The following BMP3 variants were observed in gnomAD, a reference collection of about 807,000 sequenced individuals.
BMP3 encodes bone morphogenetic protein 3.
BMP3 carries 23 observed loss-of-function variants against 38.1 expected under a neutral mutation model. The observed-to-expected ratio is 0.60, with a 90% CI of 0.43 to 0.86. BMP3 has a LOEUF of 0.86. BMP3 is among the 40% of genes least tolerant of loss of function. BMP3 has a pLI of 0.00. For synonymous variants in BMP3, 258 were observed against 225.7 expected (o/e 1.14, Z -1.28); for missense variants, 628 against 579.6 (o/e 1.08, Z -0.86).
Position 81,053,598 on chromosome 4 carries a change from CCTGT to C in BMP3, c.*63_*66del. 1 of 779,184 alleles carries C rather than the reference CCTGT, an allele frequency of 1.3e-6. No individual in the cohort carries two copies. Among genetic ancestry groups the C allele is most frequent in the South Asian group, 4.2e-5 (1 of 23,682 alleles). The allele number at this position is 779,184 out of a possible 1,614,324, so 48.3% of individuals were successfully genotyped here. A position where few individuals can be genotyped will look rare whatever the true frequency, so the allele number is the denominator to read the frequency against. On this transcript the variant is annotated 3_prime_UTR_variant, in exon 3 of 3. Transcript: ENST00000282701. ...ATTAGTTTATTTTTATGGACTTCTT[CCTGT>C]TTTTTTTTTTTTTTTTTTTGCACTG... is the stretch of plus-strand genomic sequence containing the variant.
At position 81,031,559 on chromosome 4, in the gene BMP3, G is replaced by T. The variant is rs749747470; in HGVS notation, c.275G>T (p.Arg92Leu). 1.9e-6 allele frequency: 3 copies of T among 1,610,186 alleles called. No homozygotes were observed. In the South Asian group the frequency reaches 3.3e-5, roughly 18 times the overall value. ...CAGCCCTGGCGCCCTCGGCTCCTGCGCGAAGGCAACACGGTTCGCAGCTTT... is the reference window on the plus strand; with the variant it reads ...CAGCCCTGGCGCCCTCGGCTCCTGCTCGAAGGCAACACGGTTCGCAGCTTT... The part of the protein sequence containing the change: ...GSQPWRPRLL[R>L]EGNTVRSFRA... The change falls in exon 1 of 3, where the codon CGC becomes CTC. Residue 92 changes from arginine (R) to leucine (L), a missense_variant. By Grantham distance (102) the Arg-to-Leu change is moderately radical. Coordinates refer to ENST00000282701, the MANE Select transcript of BMP3 (RefSeq NM_001201.5).
At chr4:81,047,186 CGTGCT>C (rs1297329845) in intron 2 of BMP3, among the ~76,000 whole-genome samples, 3 of 152,156 alleles carry the variant, frequency 2.0e-5, no homozygotes, top group Admixed American at 1.3e-4. Flanking sequence ...AAATCCACTA[CGTGCT>C]TATTTCATTT....
At position 81,046,502 on chromosome 4, in the gene BMP3, A is replaced by G; in HGVS notation, c.1081A>G (p.Arg361Gly). Reference sequence around the variant, plus strand: ...TGAGCAGACCCTGAAAAAGGCAAGGAGAAAGCAGTGGATTGAACCTCGGAA... The same window carrying G: ...TGAGCAGACCCTGAAAAAGGCAAGGGGAAAGCAGTGGATTGAACCTCGGAA... ...FDEQTLKKAR[R>G]KQWIEPRNCA... The change falls in exon 2 of 3, where the codon AGA becomes GGA. Residue 361 changes from arginine to glycine, a missense_variant. Coordinates refer to ENST00000282701, the MANE Select transcript of BMP3 (RefSeq NM_001201.5). The G allele has an allele frequency of 1.2e-6, 2 of 1,614,098 alleles. No individual in the cohort carries two copies. Among genetic ancestry groups the G allele is most frequent in the Non-Finnish European group, 1.7e-6 (2 of 1,180,000 alleles).
At chr4:81,052,283 A>T (rs1560514474) in intron 2 of BMP3, among the ~76,000 whole-genome samples, 1 of 152,152 alleles carries the variant, frequency 6.6e-6, no homozygotes, top group African/African-American at 2.4e-5. Context: ...AAACAAAACT[A>T]CTTTCACCTG....
chr4:81,054,847 G>T lies in BMP3; in HGVS notation c.*1311G>T, dbSNP rs776509819. 1 of 152,086 alleles carries T rather than the reference G, an allele frequency of 6.6e-6. No individual in the cohort carries two copies. Among genetic ancestry groups the T allele is most frequent in the Non-Finnish European group, 1.5e-5 (1 of 68,006 alleles). 9.4% of individuals were successfully genotyped at this position (152,086 alleles called of 1,614,324 possible). On this transcript the variant is annotated 3_prime_UTR_variant, in exon 3 of 3. Transcript: ENST00000282701. Reference sequence around the variant, plus strand: ...TGTGTGATGGAAATGCTTTCAGGCCGTAGATCATTGTTGGTGTTAATCTGT... The same window carrying T: ...TGTGTGATGGAAATGCTTTCAGGCCTTAGATCATTGTTGGTGTTAATCTGT...
intron 1 of BMP3, among the ~76,000 whole-genome samples, chr4:81,041,232 A>G (rs1381064362): frequency 6.6e-6 from 1 of 152,214 alleles, no homozygotes; most frequent in East Asian, 1.9e-4. Context: ...TTACTTCTCT[A>G]TATACATTCA....
chr4:81,049,023 T>C (rs1740335764), intron 2 of BMP3, among the ~76,000 whole-genome samples: 1 of 152,326 alleles, frequency 6.6e-6, no homozygotes, highest in African/African-American at 2.4e-5. Context: ...TTATTCAGAC[T>C]CTCTACAAGT....
chr4:81,053,380 T>A lies in BMP3; in HGVS notation c.1263T>A (p.Ser421Arg). ...LKPSNHATIQ[S>R]IVRAVGVVPG... ...CATCAAATCATGCTACCATCCAGAG[T>A]ATAGTGAGAGCTGTGGGGGTCGTTC... The change falls in exon 3 of 3, where the codon AGT becomes AGA. Residue 421 changes from serine (S) to arginine (R), a missense_variant. Coordinates refer to ENST00000282701, the MANE Select transcript of BMP3 (RefSeq NM_001201.5). 1 of 1,605,232 alleles carries A rather than the reference T, an allele frequency of 6.2e-7. No homozygotes were observed. Among genetic ancestry groups the A allele is most frequent in the African/African-American group, 1.3e-5 (1 of 74,336 alleles).
In BMP3 at chr4:81,050,179, T is replaced by G. The variant is rs137929281; in HGVS notation, c.1228-3166T>G. On this transcript the variant is annotated intron_variant, in intron 2 of 2. Transcript: ENST00000282701. Reference sequence around the variant, plus strand: ...TGGCCCAGGTCAGGAATGAAGGCTCTTAGCTGATGACATGCTCTCCCCTGC... The same window carrying G: ...TGGCCCAGGTCAGGAATGAAGGCTCGTAGCTGATGACATGCTCTCCCCTGC... Among the ~76,000 whole-genome samples, 33 of 152,344 alleles carry G rather than the reference T, an allele frequency of 2.2e-4. No homozygotes were observed. In the East Asian group the frequency reaches 6.4e-3, roughly 29 times the overall value.
chr4:81,031,431 G>A lies in BMP3; in HGVS notation c.147G>A (p.Glu49=), dbSNP rs1233826486. Residue 49 remains glutamate, a synonymous_variant, in exon 1 of 3, where the codon GAG becomes GAA. Coordinates refer to ENST00000282701, the MANE Select transcript of BMP3 (RefSeq NM_001201.5). ...DRTAGGGPDS[E]LQPQDKVSEH... ...CGGCAGGTGGTGGCCCGGACTCCGA[G>A]CTGCAGCCGCAAGACAAGGTCTCTG... The A allele has an allele frequency of 6.2e-7, 1 of 1,613,666 alleles. No individual in the cohort carries two copies. The highest frequency in any genetic ancestry group is 1.7e-5 in the Admixed American group (1 of 60,020).
At chr4:81,032,221 C>A (rs1201335671) in intron 1 of BMP3, among the ~76,000 whole-genome samples, 2,823 of 36,942 alleles carry the variant, frequency 0.076, no homozygotes, top group Non-Finnish European at 0.1. Flanking sequence ...AAAAAAAAAA[C>A]AGGTGCTTGG....
At chr4:81,050,577 G>A (rs149433522) in intron 2 of BMP3, among the ~76,000 whole-genome samples, 155 of 151,798 alleles carry the variant, frequency 1.0e-3, no homozygotes, top group African/African-American at 3.5e-3. Context: ...GAATTAGGCA[G>A]CAAAGAATCT....
intron 1 of BMP3, among the ~76,000 whole-genome samples, chr4:81,043,740 A>C (rs924088575): frequency 6.6e-6 from 1 of 151,918 alleles, no homozygotes; most frequent in African/African-American, 2.4e-5. Context: ...GGTGTGTGCC[A>C]CTACCGCCTT....
rs1175248284 is a variant in BMP3 at position 81,056,885 on chromosome 4, G to A, written c.*3349G>A. The A allele has an allele frequency of 6.6e-6, 1 of 152,526 alleles. No individual in the cohort carries two copies. Among genetic ancestry groups the A allele is most frequent in the Non-Finnish European group, 1.5e-5 (1 of 68,020 alleles). 9.4% of individuals were successfully genotyped at this position (152,526 alleles called of 1,614,324 possible). A position where few individuals can be genotyped will look rare whatever the true frequency, so the allele number is the denominator to read the frequency against. ...TAAAAATATTTGTATAATTCATTCA[G>A]TTTAGTTTTTCAGTTTAGTCTTTCT... On this transcript the variant is annotated 3_prime_UTR_variant, in exon 3 of 3. Coordinates refer to ENST00000282701, the MANE Select transcript of BMP3 (RefSeq NM_001201.5).
rs1739772169 is a variant in BMP3 at position 81,031,587 on chromosome 4, G to A, written c.303G>A (p.Arg101=). 6.3e-7 allele frequency: 1 copy of A among 1,599,270 alleles called. No homozygotes were observed. ...LREGNTVRSF[R]AAAAETLERK... is the part of the protein sequence containing the mutation. ...AAGGCAACACGGTTCGCAGCTTTCG[G>A]GCGGCAGCAGCAGGTGAGTGCGCGA... is the stretch of plus-strand genomic sequence containing the variant. The change falls in exon 1 of 3, where the codon CGG becomes CGA. Residue 101 remains arginine (R), a synonymous_variant. Transcript: ENST00000282701.
intron 2 of BMP3, among the ~76,000 whole-genome samples, chr4:81,048,252 AT>A (rs1165462223): frequency 2.0e-5 from 3 of 152,214 alleles, no homozygotes; most frequent in Non-Finnish European, 4.4e-5. Flanking sequence ...AAGATGACAA[AT>A]GTAACAAGCA....
intron 2 of BMP3, among the ~76,000 whole-genome samples, 155 bp downstream of exon 2, chr4:81,046,803 A>G (rs1740263279): frequency 6.6e-6 from 1 of 152,170 alleles, no homozygotes; most frequent in African/African-American, 2.4e-5. Context: ...TCTAAACCAT[A>G]ATAGGTAATA....
rs1426651676 is a variant in BMP3 at position 81,046,324 on chromosome 4, G to A, written c.903G>A (p.Glu301=). Reference sequence around the variant, plus strand: ...TCTTGCTGCCTCTGCAGAACAACGAGCTTCCTGGGGCAGAATACCAGTATA... The same window carrying A: ...TCTTGCTGCCTCTGCAGAACAACGAACTTCCTGGGGCAGAATACCAGTATA... ...TGVLLPLQNN[E]LPGAEYQYKK... The change falls in exon 2 of 3, where the codon GAG becomes GAA. Residue 301 remains glutamate (E), a synonymous_variant. Coordinates refer to ENST00000282701, the MANE Select transcript of BMP3 (RefSeq NM_001201.5). 1.2e-6 allele frequency: 2 copies of A among 1,613,944 alleles called. No homozygotes were observed. Among genetic ancestry groups the A allele is most frequent in the African/African-American group, 2.7e-5 (2 of 74,910 alleles).
chr4:81,043,477 CT>C (rs946827248), intron 1 of BMP3, among the ~76,000 whole-genome samples: 21 of 149,374 alleles, frequency 1.4e-4, no homozygotes, highest in Admixed American at 7.3e-4. Flanking sequence ...CAACAGCATT[CT>C]TTTTTTTTCT....
Sources: gnomAD v4.1 joint callset for allele counts (sites outside exome capture counted in the v4.1 genomes callset) on GRCh38, gnomAD v4.1.1 for gene constraint, MANE v1.5 for transcripts, NCBI Gene and HGNC (gene_info 2026-07-23, HGNC 2026-07-21) for gene names.